INTS1: variants seen among roughly 807,000 people sequenced by gnomAD.
The protein encoded by INTS1 is integrator complex subunit 1.
In INTS1, 137 loss-of-function variants were observed where a neutral mutation model predicts 241.6. The ratio of observed to expected loss-of-function variants is 0.57; its 90% CI spans 0.49 to 0.65. The LOEUF (loss-of-function observed/expected upper bound fraction) is 0.65, where lower values mean the gene tolerates loss of function less well. Among genes scored for constraint, INTS1 ranks in the 30% least tolerant of loss-of-function variants. The probability of loss-of-function intolerance (pLI) is 0.00; values close to 1 mark genes in which losing one functional copy is unlikely to be tolerated. For synonymous variants in INTS1, 1,692 were observed against 1,337.8 expected (o/e 1.26, Z -5.78); for missense variants, 3,073 against 3,032.2 (o/e 1.01, Z -0.32).
chr7:1,483,034 G>A (rs1430011229), intron 26 of INTS1: 9 of 292,164 alleles, frequency 3.1e-5, no homozygotes, highest in South Asian at 1.5e-4. Context: ...CTCTGGCTCC[G>A]CAAAGCCACT....
rs575032979 is a variant in INTS1, at chr7:1,470,886, C to T, written c.6417G>A (p.Thr2139=). 70 of 1,594,548 alleles carry T rather than the reference C, an allele frequency of 4.4e-5. 1 individual carries two copies. The highest frequency in any genetic ancestry group is 9.4e-5 in the African/African-American group (7 of 74,514). The part of the protein sequence containing the change: ...LGSQDFEVVQ[T]ALRNLPEYAL... Reference sequence around the variant, plus strand: ...CGTACTCAGGCAGGTTCCGGAGGGCCGTCTGCACCACCTCAAAGTCCTGGC... The same window carrying T: ...CGTACTCAGGCAGGTTCCGGAGGGCTGTCTGCACCACCTCAAAGTCCTGGC... Residue 2139 remains threonine, a synonymous_variant, in exon 47 of 48, where the codon ACG becomes ACA. Coordinates refer to ENST00000404767, the MANE Select transcript of INTS1 (RefSeq NM_001080453.3).
intron 22 of INTS1, among the ~76,000 whole-genome samples, 193 bp downstream of exon 22, chr7:1,486,432 T>A (rs2128538603): frequency 6.6e-6 from 1 of 151,262 alleles, no homozygotes; most frequent in Non-Finnish European, 1.5e-5. Flanking sequence ...CCCAGCTAAT[T>A]TTTTCTATTT....
chr7:1,473,605 G>C lies in INTS1; in HGVS notation c.5918C>G (p.Ala1973Gly). 6.2e-7 allele frequency: 1 copy of C among 1,610,568 alleles called. No homozygotes were observed. The highest frequency in any genetic ancestry group is 8.5e-7 in the Non-Finnish European group (1 of 1,178,580). ...IHKYITYNAP[A>G]AISFLQKHAD... is the part of the protein sequence containing the mutation. Reference sequence around the variant, plus strand: ...GTGCTTCTGCAGGAAGGAGATGGCTGCTGGGGCATTGTAGGTAATGTACTT... The same window carrying C: ...GTGCTTCTGCAGGAAGGAGATGGCTCCTGGGGCATTGTAGGTAATGTACTT... The change falls in exon 42 of 48, where the codon GCA (alanine) becomes GGA (glycine). Residue 1973 changes from alanine to glycine, a missense_variant. Ala to Gly is a moderately conservative substitution (Grantham distance 60). Transcript: ENST00000404767.
rs371198550 is a variant in INTS1 at position 1,487,874 on chromosome 7, C to A, written c.2402G>T (p.Arg801Leu). Residue 801 changes from arginine (R) to leucine (L), a missense_variant, in exon 19 of 48, where the codon CGG becomes CTG. Arg to Leu is a moderately radical substitution (Grantham distance 102). Transcript: ENST00000404767. ...GAAGGCCAGGATCTCCTGCTTCTCC[C>A]GCTGGGCGGTCTGCAGCTCACGGTT... is the stretch of plus-strand genomic sequence containing the variant. Reference protein sequence around the residue: ...MLNRELQTAQREKQEILAFEG... With the variant: ...MLNRELQTAQLEKQEILAFEG... 1 of 1,613,604 alleles carries A rather than the reference C, an allele frequency of 6.2e-7. No individual in the cohort carries two copies.
chr7:1,484,252 GCT>G, intron 24 of INTS1, 82 bp from the exon 25 acceptor site: 1 of 1,401,906 alleles, frequency 7.1e-7, no homozygotes. Context: ...TCGCAGGCAC[GCT>G]CTCACTGGGA....
At position 1,500,379 on chromosome 7, in the gene INTS1, G is replaced by C. The variant is rs757912546; in HGVS notation, c.350-13C>G. On this transcript the variant is annotated splice_polypyrimidine_tract_variant and intron_variant, in intron 3 of 47. Coordinates refer to ENST00000404767, the MANE Select transcript of INTS1 (RefSeq NM_001080453.3). ...ACCGTGGGCAGCACTGGCCGGGGCA[G>C]GCGGTACGGTCAGAACGGGGCCAGG... 6 of 1,550,564 alleles carry C rather than the reference G, an allele frequency of 3.9e-6. No homozygotes were observed. The African/African-American group carries it at 5.4e-5, about 14-fold the overall frequency.
chr7:1,494,795 C>G (rs1392086262), intron 14 of INTS1, 21 bp downstream of exon 14: 1 of 1,552,076 alleles, frequency 6.4e-7, no homozygotes, highest in African/African-American at 1.4e-5. Flanking sequence ...ACACAGGAGC[C>G]CCAGGCGGCA....
chr7:1,477,281 G>A (rs1481692863), intron 35 of INTS1, among the ~76,000 whole-genome samples: 2 of 152,170 alleles, frequency 1.3e-5, no homozygotes, highest in African/African-American at 2.4e-5. Context: ...GGTTTGGCAG[G>A]GCCGACCCCA....
In INTS1 at chr7:1,499,916, C is replaced by T. The variant is rs1337735749; in HGVS notation, c.652G>A (p.Glu218Lys). 6.2e-7 allele frequency: 1 copy of T among 1,613,628 alleles called. No individual in the cohort carries two copies. The highest frequency in any genetic ancestry group is 8.5e-7 in the Non-Finnish European group (1 of 1,179,786). The stretch of plus-strand genomic sequence containing the variant: ...AAGATCTCGGGCCAGTTCTCGTCCT[C>T]CTCGTAGGCGGCCATGAGGAGGTTA... ...ACNLLMAAYE[E>K]DENWPEIFVK... The change falls in exon 5 of 48, where the codon GAG becomes AAG. Residue 218 changes from glutamate to lysine, a missense_variant. Glu to Lys is a moderately conservative substitution (Grantham distance 56). Coordinates refer to ENST00000404767, the MANE Select transcript of INTS1 (RefSeq NM_001080453.3).
rs1168424880 is a variant in INTS1 at position 1,481,500 on chromosome 7, C to T, written c.3704-12G>A. 5.0e-6 allele frequency: 8 copies of T among 1,599,452 alleles called. No individual in the cohort carries two copies. The highest frequency in any genetic ancestry group is 1.7e-5 in the Admixed American group (1 of 59,584). ...CAGGTCCTGCAGGGCTGAGGGTGCA[C>T]GCGCTCCGTAACGCCACCCAAAACC... On this transcript the variant is annotated splice_polypyrimidine_tract_variant and intron_variant, in intron 27 of 47. Coordinates refer to ENST00000404767, the MANE Select transcript of INTS1 (RefSeq NM_001080453.3). The surrounding 1 kb of genome is among the most constrained non-coding windows in gnomAD (Gnocchi z 6.8).
intron 26 of INTS1, 138 bp downstream of exon 26, chr7:1,483,604 G>C (rs550473125): frequency 6.9e-4 from 493 of 716,912 alleles, no homozygotes; most frequent in African/African-American, 6.8e-3. Flanking sequence ...CTTTAGGAGA[G>C]AAGCCAGGAC....
intron 47 of INTS1, 73 bp downstream of exon 47, chr7:1,470,773 G>A (rs1781423896): frequency 2.0e-6 from 3 of 1,473,522 alleles, no homozygotes; most frequent in Non-Finnish European, 2.7e-6. Flanking sequence ...ACTCCCAAGA[G>A]CCAGCCCTCG....
Position 1,478,454 on chromosome 7 carries a change from C to T in INTS1, c.4542G>A (p.Leu1514=), listed in dbSNP as rs1781836078. 1 of 1,612,450 alleles carries T rather than the reference C, an allele frequency of 6.2e-7. No homozygotes were observed. Among genetic ancestry groups the T allele is most frequent in the South Asian group, 1.1e-5 (1 of 91,062 alleles). Residue 1514 remains leucine, a synonymous_variant, in exon 33 of 48, where the codon CTG becomes CTA. Transcript: ENST00000404767. The stretch of plus-strand genomic sequence containing the variant: ...CACGGACGGTGGAGCTGACCACCTC[C>T]AGGTCCTGACGGAAGGCCAGGGCCT... ...LAEALAFRQD[L]EVVSSTVRAV...
In INTS1 at chr7:1,500,076, TGGGGTGGGCC is replaced by T. The variant is rs924299878; in HGVS notation, c.547-65_547-56del. On this transcript the variant is annotated intron_variant, in intron 4 of 47. Coordinates refer to ENST00000404767, the MANE Select transcript of INTS1 (RefSeq NM_001080453.3). ...GCTTCGCTGGCCCCAGAGGCAAAGC[TGGGGTGGGCC>T]GGGAGGGACACTTAAGGGGGAGGTG... 7.7e-6 allele frequency: 12 copies of T among 1,556,846 alleles called. No individual in the cohort carries two copies. The African/African-American group carries it at 1.5e-4, about 19-fold the overall frequency.
chr7:1,479,935 C>G (rs1195312782), intron 30 of INTS1, among the ~76,000 whole-genome samples: 1 of 152,168 alleles, frequency 6.6e-6, no homozygotes, highest in Non-Finnish European at 1.5e-5. Flanking sequence ...CAGGGACCAC[C>G]AGGCTCTCCA....
In INTS1 at chr7:1,474,933, G is replaced by C. The variant is rs1040752382; in HGVS notation, c.5503-95C>G. ...CCGCCAGCTGTGGCCGTGATCCACC[G>C]CGTGGCACGCCATGAGCAGAGGAAC... On this transcript the variant is annotated intron_variant, in intron 39 of 47. Coordinates refer to ENST00000404767, the MANE Select transcript of INTS1 (RefSeq NM_001080453.3). The C allele has an allele frequency of 3.4e-6, 5 of 1,460,772 alleles. No homozygotes were observed. In the South Asian group the frequency reaches 6.6e-5, roughly 19 times the overall value. 90.5% of individuals were successfully genotyped at this position (1,460,772 alleles called of 1,614,324 possible).
intron 29 of INTS1, 114 bp from the exon 30 acceptor site, chr7:1,480,555 G>C: frequency 2.5e-6 from 3 of 1,210,950 alleles, no homozygotes; most frequent in South Asian, 3.1e-5. Flanking sequence ...AGGAGGAAGA[G>C]CTCAGACCTG....
At chr7:1,492,707 G>T (rs1214977747) in intron 16 of INTS1, among the ~76,000 whole-genome samples, 1 of 152,222 alleles carries the variant, frequency 6.6e-6, no homozygotes, top group Non-Finnish European at 1.5e-5. Flanking sequence ...AGACAACGGG[G>T]AAACAGCCCA....
chr7:1,499,682 G>A (rs1334883443), intron 5 of INTS1, 50 bp from the exon 6 acceptor site: 3 of 1,552,960 alleles, frequency 1.9e-6, no homozygotes, highest in Non-Finnish European at 1.7e-6. Context: ...GCAGCAGCCA[G>A]GTTGGGGAAC....
Sources: allele counts gnomAD v4.1 joint callset (sites outside exome capture counted in the v4.1 genomes callset), GRCh38; gene constraint gnomAD v4.1.1; non-coding constraint Gnocchi (gnomAD v3.1); transcripts MANE v1.5; gene names NCBI Gene and HGNC (gene_info 2026-07-23, HGNC 2026-07-21).